Variants in RBFOX1 observed in about 807,000 individuals in gnomAD.
RBFOX1 encodes the protein RNA binding protein fox-1 homolog 1.
Under a neutral mutation model 57.7 loss-of-function variants are expected in RBFOX1, and 8 were observed. The observed-to-expected ratio is 0.14, with a 90% CI of 0.08 to 0.25. The LOEUF is 0.25. RBFOX1 is among the 10% of genes least tolerant of loss of function. RBFOX1 has a pLI of 1.00. For missense variants in RBFOX1, 611 were observed against 548.5 expected (o/e 1.11, Z -1.14); for synonymous variants, 326 against 222.4 (o/e 1.47, Z -4.15).
chr16:7,344,090 T>C (rs771157894), intron 4 of RBFOX1, among the ~76,000 whole-genome samples: 1 of 148,964 alleles, frequency 6.7e-6, no homozygotes, highest in Non-Finnish European at 1.5e-5. Context: ...TGGGTTAGAA[T>C]CTCAGCTTTA....
chr16:5,526,762 G>C (rs889776735), intron 2 of RBFOX1, among the ~76,000 whole-genome samples: 1 of 152,154 alleles, frequency 6.6e-6, no homozygotes, highest in African/African-American at 2.4e-5. Flanking sequence ...TGTAAAGTAC[G>C]TGACCTACTG....
intron 3 of RBFOX1, among the ~76,000 whole-genome samples, chr16:7,043,190 A>T (rs1004151317): frequency 1.3e-5 from 2 of 152,016 alleles, no homozygotes; most frequent in African/African-American, 4.8e-5. Context: ...CAACTGACTG[A>T]TGTCTCCTCC....
intron 4 of RBFOX1, among the ~76,000 whole-genome samples, chr16:7,161,828 C>T (rs986563043): frequency 6.6e-6 from 1 of 152,180 alleles, no homozygotes. Context: ...CTAGTCAGTC[C>T]TAAAGTGAGA....
At chr16:6,806,191 A>G (rs1269912075) in intron 3 of RBFOX1, among the ~76,000 whole-genome samples, 3 of 152,196 alleles carry the variant, frequency 2.0e-5, no homozygotes, top group Non-Finnish European at 4.4e-5. Flanking sequence ...AATATAAGAG[A>G]AAAATTAGCA....
chr16:7,697,088 C>A (rs932739494), intron 14 of RBFOX1, among the ~76,000 whole-genome samples: 1 of 152,128 alleles, frequency 6.6e-6, no homozygotes, highest in African/African-American at 2.4e-5. Flanking sequence ...TGTAATCTGA[C>A]TTTAATGATC....
chr16:7,579,815 G>A lies in RBFOX1; in HGVS notation c.309G>A (p.Gln103=), dbSNP rs372902717. 10 of 1,613,976 alleles carry A rather than the reference G, an allele frequency of 6.2e-6. No individual in the cohort carries two copies. Among genetic ancestry groups the A allele is most frequent in the Non-Finnish European group, 8.5e-6 (10 of 1,180,002 alleles). The change falls in exon 6 of 16, where the codon CAG becomes CAA. Residue 103 remains glutamine (Q), a synonymous_variant. Transcript: ENST00000550418. The part of the protein sequence containing the change: ...DDAAPTDGQP[Q]TQPSENTENK... ...CAGCACCGACGGATGGCCAGCCCCA[G>A]ACACAACCTTCTGAAAACACGGAAA...
intron 3 of RBFOX1, among the ~76,000 whole-genome samples, chr16:5,780,161 C>T (rs1469619001): frequency 2.0e-5 from 3 of 152,102 alleles, no homozygotes; most frequent in Admixed American, 1.3e-4. Flanking sequence ...TGACACCAGG[C>T]CTGGCTAATT....
chr16:7,018,362 G>A (rs998670322), intron 3 of RBFOX1, among the ~76,000 whole-genome samples: 2 of 152,136 alleles, frequency 1.3e-5, no homozygotes, highest in Non-Finnish European at 2.9e-5. Flanking sequence ...TCCATTAAGA[G>A]TTAGATACTT....
intron 4 of RBFOX1, among the ~76,000 whole-genome samples, chr16:7,385,919 C>CTTTTTTATTTATTTATTTAT (rs57254482): frequency 1.5e-5 from 2 of 135,148 alleles, no homozygotes; most frequent in Non-Finnish European, 3.3e-5. Flanking sequence ...TGCCCAGTTA[C>CTTTTTTATTTATTTATTTAT]TTATTTATTT....
intron 4 of RBFOX1, chr16:7,304,087 T>G (rs1227073302): frequency 2.5e-5 from 12 of 485,646 alleles, no homozygotes; most frequent in Admixed American, 6.4e-5. Flanking sequence ...CGCAAGTGTT[T>G]TAGTTGGAGG....
intron 3 of RBFOX1, among the ~76,000 whole-genome samples, chr16:6,655,618 G>A (rs2098644796): frequency 6.6e-6 from 1 of 151,964 alleles, no homozygotes; most frequent in Non-Finnish European, 1.5e-5. Flanking sequence ...TCTTTTTATT[G>A]ACAAGAGTTC....
intron 2 of RBFOX1, among the ~76,000 whole-genome samples, chr16:6,430,967 GAAAAA>G (rs59044318): frequency 1.1e-5 from 1 of 90,508 alleles, no homozygotes; most frequent in Non-Finnish European, 2.2e-5. Context: ...CTCATCTCCA[GAAAAA>G]AAAAAAAAAA....
intron 3 of RBFOX1, among the ~76,000 whole-genome samples, chr16:5,648,556 C>T (rs2049123601): frequency 6.6e-6 from 1 of 152,020 alleles, no homozygotes. Context: ...TGGGCGGAGA[C>T]CAGGGATGCT....
At chr16:5,655,980 C>T (rs1250236811) in intron 3 of RBFOX1, among the ~76,000 whole-genome samples, 2 of 152,180 alleles carry the variant, frequency 1.3e-5, no homozygotes, top group African/African-American at 2.4e-5. Context: ...TCTTGTTCAC[C>T]ACAATGTCAG....
intron 3 of RBFOX1, among the ~76,000 whole-genome samples, chr16:7,005,598 G>A (rs1383801839): frequency 4.6e-5 from 7 of 152,172 alleles, no homozygotes; most frequent in Non-Finnish European, 1.0e-4. Flanking sequence ...ATGGCTTGGT[G>A]TTGGTAGGAG....
chr16:6,977,374 C>G (rs542015768), intron 3 of RBFOX1, among the ~76,000 whole-genome samples: 2 of 151,924 alleles, frequency 1.3e-5, no homozygotes, highest in South Asian at 2.1e-4. Flanking sequence ...CTCTAGATAC[C>G]GGGATATCTG....
chr16:7,636,674 G>A (rs566531314), intron 11 of RBFOX1, among the ~76,000 whole-genome samples: 32 of 152,282 alleles, frequency 2.1e-4, no homozygotes, highest in Admixed American at 1.2e-3. Flanking sequence ...ACAAAATACC[G>A]TAGACTGGGA....
In RBFOX1 at chr16:7,515,901, G is replaced by T. The variant is rs191500093; in HGVS notation, c.28-2246G>T. On this transcript the variant is annotated intron_variant, in intron 4 of 15. Coordinates refer to ENST00000550418, the MANE Select transcript of RBFOX1 (RefSeq NM_018723.4). ...GCTCTGTGGCCCAGGCTGGAGTGCA[G>T]TGGTGCACTCTCAGCTCACTGCAAC... is the stretch of plus-strand genomic sequence containing the variant. Among the ~76,000 whole-genome samples the T allele has an allele frequency of 1.6e-4, 25 of 152,246 alleles. No individual in the cohort carries two copies. In the East Asian group the frequency reaches 4.8e-3, roughly 30 times the overall value.
intron 3 of RBFOX1, among the ~76,000 whole-genome samples, chr16:6,740,970 C>T (rs11862620): frequency 0.089 from 13,545 of 152,132 alleles, 744 homozygotes; most frequent in East Asian, 0.17. Context: ...AGTTTCAAGA[C>T]GTTATGTAAC....
Sources: allele counts gnomAD v4.1 joint callset (sites outside exome capture counted in the v4.1 genomes callset), GRCh38; gene constraint gnomAD v4.1.1; transcripts MANE v1.5; gene names NCBI Gene and HGNC (gene_info 2026-07-23, HGNC 2026-07-21).